Variants in DLGAP1 observed in about 807,000 individuals in gnomAD.
DLGAP1 encodes disks large-associated protein 1.
In DLGAP1, 11 loss-of-function variants were observed where a neutral mutation model predicts 90.8. The observed-to-expected ratio is 0.12, with a 90% CI of 0.08 to 0.20. The LOEUF (loss-of-function observed/expected upper bound fraction) is 0.20. Among genes scored for constraint, DLGAP1 ranks in the 10% least tolerant of loss-of-function variants. The pLI is 1.00. For missense variants in DLGAP1, 1,050 were observed against 1,333.8 expected, an observed-to-expected ratio of 0.79 and a Z score of 3.31; for synonymous variants, 558 against 540.7, an observed-to-expected ratio of 1.03 and a Z score of -0.44.
chr18:4,071,902 C>T (rs890517916), intron 2 of DLGAP1, among the ~76,000 whole-genome samples: 1 of 152,218 alleles, frequency 6.6e-6, no homozygotes, highest in African/African-American at 2.4e-5. Context: ...GCAGCCCCCT[C>T]AGAGCTGTAC....
intron 2 of DLGAP1, among the ~76,000 whole-genome samples, chr18:4,111,047 G>T (rs1001353875): frequency 9.2e-5 from 14 of 152,046 alleles, no homozygotes; most frequent in Admixed American, 2.0e-4. Context: ...ATTAGCCGTG[G>T]TTTTTTTCTA....
chr18:3,960,344 C>T (rs1276617577), intron 3 of DLGAP1, among the ~76,000 whole-genome samples: 2 of 152,070 alleles, frequency 1.3e-5, no homozygotes, highest in African/African-American at 4.8e-5. Context: ...AGAAGGAGGT[C>T]GGGGAAGCCA....
At chr18:3,590,488 A>G (rs370875795) in intron 7 of DLGAP1, among the ~76,000 whole-genome samples, 3 of 152,144 alleles carry the variant, frequency 2.0e-5, no homozygotes, top group Non-Finnish European at 4.4e-5. Context: ...GAGCAGGGTT[A>G]TTCAAAGCCT....
intron 1 of DLGAP1, among the ~76,000 whole-genome samples, chr18:4,262,701 A>T (rs561426265): frequency 2.0e-5 from 3 of 152,258 alleles, no homozygotes; most frequent in South Asian, 2.1e-4. Context: ...CACTCTCTGT[A>T]CCCAGACTCC....
At chr18:4,273,518 G>GT (rs1335273657) in intron 1 of DLGAP1, among the ~76,000 whole-genome samples, 1 of 152,156 alleles carries the variant, frequency 6.6e-6, no homozygotes, top group African/African-American at 2.4e-5. Flanking sequence ...TCATAGTTCA[G>GT]TGTAACTTCA....
At chr18:3,921,873 G>A (rs2072275917) in intron 3 of DLGAP1, among the ~76,000 whole-genome samples, 1 of 152,176 alleles carries the variant, frequency 6.6e-6, no homozygotes, top group African/African-American at 2.4e-5. Context: ...AGGTGGCTGT[G>A]AGACCCAGCA....
intron 1 of DLGAP1, among the ~76,000 whole-genome samples, chr18:4,222,188 A>G (rs1473740485): frequency 6.6e-6 from 1 of 152,154 alleles, no homozygotes; most frequent in Non-Finnish European, 1.5e-5. Context: ...ACTTCTCTGA[A>G]TTTCTGACAC....
chr18:3,656,386 C>G (rs889363784), intron 7 of DLGAP1: 3 of 420,616 alleles, frequency 7.1e-6, no homozygotes, highest in African/African-American at 6.0e-5. Flanking sequence ...AAGGCCAAGT[C>G]TGCCTGAGTG....
intron 2 of DLGAP1, among the ~76,000 whole-genome samples, chr18:4,079,852 G>T (rs1230097313): frequency 6.6e-6 from 1 of 152,094 alleles, no homozygotes; most frequent in Admixed American, 6.6e-5. Flanking sequence ...TACATCCTAG[G>T]AGTAGCAATA....
intron 7 of DLGAP1, among the ~76,000 whole-genome samples, chr18:3,591,589 G>C (rs964013874): frequency 2.8e-4 from 42 of 151,768 alleles, no homozygotes; most frequent in Non-Finnish European, 5.2e-4. Flanking sequence ...TGTAGTCCCA[G>C]CTACTTGGAA....
At chr18:3,938,806 G>A (rs1568309846) in intron 3 of DLGAP1, among the ~76,000 whole-genome samples, 1 of 152,116 alleles carries the variant, frequency 6.6e-6, no homozygotes, top group South Asian at 2.1e-4. Context: ...AATGGGAGGT[G>A]GCTGGAGGCA....
At chr18:4,361,902 CTAATT>C (rs1409708544) in intron 1 of DLGAP1, among the ~76,000 whole-genome samples, 1 of 152,074 alleles carries the variant, frequency 6.6e-6, no homozygotes, top group East Asian at 1.9e-4. Flanking sequence ...ACCAGAAGAC[CTAATT>C]TAAAAGTATG....
intron 7 of DLGAP1, among the ~76,000 whole-genome samples, chr18:3,619,735 T>A (rs1366192677): frequency 7.9e-6 from 1 of 127,142 alleles, no homozygotes; most frequent in African/African-American, 3.2e-5. Context: ...GCTCTTTTAG[T>A]TTTTTCCTTT....
At chr18:3,986,262 A>G (rs1192936935) in intron 3 of DLGAP1, 1 of 152,242 alleles carries the variant, frequency 6.6e-6, no homozygotes, top group Non-Finnish European at 1.5e-5. Flanking sequence ...GCAAATGACA[A>G]GTATTCTTAC....
At position 3,526,880 on chromosome 18, in the gene DLGAP1, C is replaced by G. The variant is rs886605829; in HGVS notation, c.2479+7314G>C. ...AGGGCTTCATTGTCTGAGAAGAGCT[C>G]GTATCATTTTACTTCAAGTGCTGCG... On this transcript the variant is annotated intron_variant, in intron 10 of 12. Transcript: ENST00000315677. The surrounding 1 kb of genome is among the most constrained non-coding windows in gnomAD (Gnocchi z 4.7). Among the ~76,000 whole-genome samples, 1 of 152,034 alleles carries G rather than the reference C, an allele frequency of 6.6e-6. No individual in the cohort carries two copies.
At chr18:4,102,497 A>T (rs2075796578) in intron 2 of DLGAP1, among the ~76,000 whole-genome samples, 1 of 152,170 alleles carries the variant, frequency 6.6e-6, no homozygotes, top group Non-Finnish European at 1.5e-5. Flanking sequence ...GCCCTTGAGC[A>T]CCTATGAGAA....
At chr18:3,782,692 CTT>C in intron 5 of DLGAP1, among the ~76,000 whole-genome samples, 1 of 152,200 alleles carries the variant, frequency 6.6e-6, no homozygotes, top group Non-Finnish European at 1.5e-5. Flanking sequence ...CACAATTCCT[CTT>C]TGTTCTTTTA....
chr18:4,262,309 G>A (rs2079019041), intron 1 of DLGAP1, among the ~76,000 whole-genome samples: 1 of 152,094 alleles, frequency 6.6e-6, no homozygotes, highest in Non-Finnish European at 1.5e-5. Context: ...AGGAATTCCC[G>A]GGCAGTCCCT....
intron 3 of DLGAP1, among the ~76,000 whole-genome samples, chr18:3,916,817 A>T (rs1337240431): frequency 6.6e-6 from 1 of 151,976 alleles, no homozygotes; most frequent in African/African-American, 2.4e-5. Context: ...CATGGAGGAG[A>T]GGGTGGAAAG....
Sources: allele counts gnomAD v4.1 joint callset (sites outside exome capture counted in the v4.1 genomes callset), GRCh38; gene constraint gnomAD v4.1.1; non-coding constraint Gnocchi (gnomAD v3.1); transcripts MANE v1.5; gene names NCBI Gene and HGNC (gene_info 2026-07-23, HGNC 2026-07-21).